Variants in CHUK observed in about 807,000 individuals in gnomAD.
CHUK encodes the protein inhibitor of nuclear factor kappa-B kinase subunit alpha.
A neutral mutation model predicts 104.8 loss-of-function variants in CHUK; 35 were observed. That is an observed-to-expected ratio of 0.33 (90% CI 0.26 to 0.44). CHUK has a LOEUF of 0.44. CHUK is among the 20% of genes least tolerant of loss of function. The pLI is 1.00. For synonymous variants in CHUK, 276 were observed against 291.9 expected (o/e 0.95, Z 0.56); for missense variants, 663 against 902.7 (o/e 0.73, Z 3.40).
chr10:100,202,296 T>G, intron 13 of CHUK, 147 bp from the exon 14 acceptor site: 1 of 672,198 alleles, frequency 1.5e-6, no homozygotes, highest in Non-Finnish European at 2.7e-6. Flanking sequence ...TAACCCCTAA[T>G]ACCTCAGAAT....
chr10:100,225,234 T>G (rs1332675984), intron 2 of CHUK, among the ~76,000 whole-genome samples: 3 of 152,242 alleles, frequency 2.0e-5, no homozygotes, highest in Admixed American at 6.5e-5. Context: ...ACTCCGCACC[T>G]ATTAAAAATT....
At chr10:100,225,585 C>T (rs1402178414) in intron 2 of CHUK, among the ~76,000 whole-genome samples, 5 of 152,012 alleles carry the variant, frequency 3.3e-5, no homozygotes, top group African/African-American at 1.2e-4. Context: ...TCTTTAAGTC[C>T]CTGCTTTCAA....
intron 9 of CHUK, among the ~76,000 whole-genome samples, chr10:100,210,091 A>ATTTATTTATTTTTTTT (rs58570772): frequency 3.1e-4 from 38 of 121,804 alleles, no homozygotes; most frequent in African/African-American, 9.0e-4. Context: ...TTATTTATTT[A>ATTTATTTATTTTTTTT]TTTTTTTTTT....
At chr10:100,209,249 C>G (rs1004664408) in intron 10 of CHUK, among the ~76,000 whole-genome samples, 1 of 152,110 alleles carries the variant, frequency 6.6e-6, no homozygotes, top group Non-Finnish European at 1.5e-5. Flanking sequence ...CGGTAATTTC[C>G]AGGCCTTCTA....
chr10:100,221,175 G>A (rs1214776409), intron 4 of CHUK, among the ~76,000 whole-genome samples: 5 of 152,108 alleles, frequency 3.3e-5, no homozygotes, highest in Admixed American at 6.5e-5. Context: ...GGTGGCTCAC[G>A]CTTGTAATCC....
At chr10:100,218,963 T>C in intron 7 of CHUK, 45 bp downstream of exon 7, 1 of 1,609,512 alleles carries the variant, frequency 6.2e-7, no homozygotes, top group Non-Finnish European at 8.5e-7. Flanking sequence ...AATGAAAAAA[T>C]TTCCATTCCC....
chr10:100,191,912 A>C (rs964399820), intron 19 of CHUK, among the ~76,000 whole-genome samples: 2 of 152,206 alleles, frequency 1.3e-5, no homozygotes, highest in African/African-American at 4.8e-5. Context: ...TGAGGTCAGG[A>C]GTTCGAGACC....
At chr10:100,186,768 T>G (rs2134198189), downstream of CHUK, 1 of 152,202 alleles carries the variant, frequency 6.6e-6, no homozygotes, top group African/African-American at 2.4e-5. Context: ...AAAGGTATAG[T>G]TGGGAGATAG....
At chr10:100,200,559 G>T in intron 15 of CHUK, 112 bp downstream of exon 15, 1 of 703,302 alleles carries the variant, frequency 1.4e-6, no homozygotes, top group East Asian at 2.6e-5. Context: ...AATATATTTG[G>T]GGAAAGGAAA....
chr10:100,223,175 C>G (rs553258568), intron 2 of CHUK, among the ~76,000 whole-genome samples, 195 bp from the exon 3 acceptor site: 4 of 152,160 alleles, frequency 2.6e-5, no homozygotes, highest in Non-Finnish European at 4.4e-5. Flanking sequence ...AATACCATCA[C>G]TATTACTACT....
intron 1 of CHUK, among the ~76,000 whole-genome samples, chr10:100,228,348 G>A (rs1184595506): frequency 2.6e-5 from 4 of 152,108 alleles, no homozygotes; most frequent in East Asian, 1.9e-4. Flanking sequence ...GCTTTTATCG[G>A]TATATCAAAA....
At chr10:100,200,155 G>A in intron 15 of CHUK, 135 bp from the exon 16 acceptor site, 1 of 771,030 alleles carries the variant, frequency 1.3e-6, no homozygotes, top group African/African-American at 1.7e-5. Flanking sequence ...GTATTTCACA[G>A]AGCATTGTAT....
intron 2 of CHUK, among the ~76,000 whole-genome samples, chr10:100,224,494 T>C (rs1846060957): frequency 6.6e-6 from 1 of 152,174 alleles, no homozygotes; most frequent in Non-Finnish European, 1.5e-5. Flanking sequence ...TGGAGTGCAG[T>C]GGTATGATCT....
chr10:100,187,380 A>C (rs899210282), downstream of CHUK: 1 of 152,122 alleles, frequency 6.6e-6, no homozygotes, highest in African/African-American at 2.4e-5. Context: ...CCCTTCAATA[A>C]ATACACTTAC....
At chr10:100,222,462 A>AG (rs1846013123) in intron 3 of CHUK, among the ~76,000 whole-genome samples, 1 of 152,198 alleles carries the variant, frequency 6.6e-6, no homozygotes, top group African/African-American at 2.4e-5. Context: ...AAAATTAGGT[A>AG]GAAAAAAAAG....
intron 10 of CHUK, among the ~76,000 whole-genome samples, chr10:100,208,516 GA>G (rs1472798514): frequency 6.6e-6 from 1 of 152,112 alleles, no homozygotes; most frequent in Non-Finnish European, 1.5e-5. Context: ...AAAGCTGAAA[GA>G]GTGGCCGGGT....
chr10:100,217,910 TTATTAAACTG>T, intron 9 of CHUK, 75 bp downstream of exon 9: 2 of 1,276,474 alleles, frequency 1.6e-6, no homozygotes, highest in Non-Finnish European at 2.3e-6. Context: ...CAGGAAAAGA[TTATTAAACTG>T]TATTTATGCT....
At position 100,191,931 on chromosome 10, in the gene CHUK, C is replaced by T. The variant is rs147793139; in HGVS notation, c.2109-963G>A. Reference sequence around the variant, plus strand: ...GTCAGGAGTTCGAGACCAGCCTGGCCAACATGGTGAAACTCCGTCTTTACT... The same window carrying T: ...GTCAGGAGTTCGAGACCAGCCTGGCTAACATGGTGAAACTCCGTCTTTACT... On this transcript the variant is annotated intron_variant, in intron 19 of 20. Transcript: ENST00000370397. 7.3e-3 allele frequency among the ~76,000 whole-genome samples: 1,118 copies of T among 152,226 alleles called. 20 individuals carry two copies. The highest frequency in any genetic ancestry group is 0.025 in the African/African-American group (1,041 of 41,518).
At chr10:100,217,350 T>C (rs532466404) in intron 9 of CHUK, among the ~76,000 whole-genome samples, 3 of 151,880 alleles carry the variant, frequency 2.0e-5, no homozygotes, top group South Asian at 2.1e-4. Flanking sequence ...GAATGAACTA[T>C]AGGTTAAGGA....
Sources: allele counts gnomAD v4.1 joint callset (sites outside exome capture counted in the v4.1 genomes callset), GRCh38; gene constraint gnomAD v4.1.1; transcripts MANE v1.5; gene names NCBI Gene and HGNC (gene_info 2026-07-23, HGNC 2026-07-21).